Variants in RHD observed in about 807,000 individuals in gnomAD.
The protein encoded by RHD is blood group Rh(D) polypeptide.
In RHD, 16 loss-of-function variants were observed where a neutral mutation model predicts 45.5. That is an observed-to-expected ratio of 0.35 (90% CI 0.24 to 0.53). The LOEUF is 0.53. Ranked by LOEUF, RHD falls within the 20% of genes least tolerant of loss-of-function variation. The probability of loss-of-function intolerance (pLI) is 0.92; values close to 1 mark genes in which losing one functional copy is unlikely to be tolerated. For synonymous variants in RHD, 131 were observed against 217.5 expected (o/e 0.60, Z 3.50); for missense variants, 306 against 532.0 (o/e 0.58, Z 4.18).
intron 1 of RHD, among the ~76,000 whole-genome samples, chr1:25,273,671 G>T (rs1640694326): frequency 8.5e-6 from 1 of 116,984 alleles, no homozygotes; most frequent in African/African-American, 2.9e-5. Flanking sequence ...CTGTAAATAA[G>T]ACAGATGTCC....
In RHD at chr1:25,273,071, T is replaced by G. The variant is rs563290825; in HGVS notation, c.148+376T>G. ...GATTTAGGGGATACAAGTGCAGCTATCTTATGCAAGCAATTTCATGTTGTT... is the reference window on the plus strand; with the variant it reads ...GATTTAGGGGATACAAGTGCAGCTAGCTTATGCAAGCAATTTCATGTTGTT... On this transcript the variant is annotated intron_variant, in intron 1 of 9. Transcript: ENST00000328664. Among the ~76,000 whole-genome samples, 125 of 132,000 alleles carry G rather than the reference T, an allele frequency of 9.5e-4. 19 individuals are homozygous for G. Among genetic ancestry groups the G allele is most frequent in the East Asian group, 3.7e-3 (19 of 5,114 alleles). The allele number at this position is 132,000 out of a possible 152,430, so 86.6% of individuals were successfully genotyped here. A position where few individuals can be genotyped will look rare whatever the true frequency, so the allele number is the denominator to read the frequency against.
chr1:25,278,047 T>C (rs561545693), intron 1 of RHD, among the ~76,000 whole-genome samples: 2 of 130,564 alleles, frequency 1.5e-5, no homozygotes, highest in East Asian at 3.9e-4. Context: ...CCAGCTACCC[T>C]GGTGATTGTA....
At chr1:25,273,302 A>AT (rs750823240) in intron 1 of RHD, among the ~76,000 whole-genome samples, 4,807 of 97,918 alleles carry the variant, frequency 0.049, 454 homozygotes, top group African/African-American at 0.13. Flanking sequence ...TGCCTGGCTA[A>AT]TTTTTTTTTT....
In RHD at chr1:25,303,029, A is replaced by T. The variant is rs1643509570; in HGVS notation, c.802-293A>T. Among the ~76,000 whole-genome samples, 2 of 130,922 alleles carry T rather than the reference A, an allele frequency of 1.5e-5. 1 individual carries two copies. Among genetic ancestry groups the T allele is most frequent in the Non-Finnish European group, 3.6e-5 (2 of 55,370 alleles). The allele number at this position is 130,922 out of a possible 152,430, so 85.9% of individuals were successfully genotyped here. A position where few individuals can be genotyped will look rare whatever the true frequency, so the allele number is the denominator to read the frequency against. ...TCCCGCTGCCCAGGGACACACCACT[A>T]ATGAGTGTGATGGGTGCCTAGGATG... On this transcript the variant is annotated intron_variant, in intron 5 of 9. Transcript: ENST00000328664.
intron 2 of RHD, among the ~76,000 whole-genome samples, chr1:25,289,519 G>T (rs1393845851): frequency 1.5e-5 from 2 of 131,420 alleles, no homozygotes; most frequent in African/African-American, 5.2e-5. Context: ...TTTAAAAGAG[G>T]TGATGCTGTT....
intron 3 of RHD, among the ~76,000 whole-genome samples, chr1:25,296,332 C>T (rs144425311): frequency 0.011 from 1,348 of 123,784 alleles, 3 homozygotes; most frequent in African/African-American, 0.035. Flanking sequence ...CTGCAACCTC[C>T]GCCTCCTGGA....
At chr1:25,276,847 A>T (rs1449740464) in intron 1 of RHD, among the ~76,000 whole-genome samples, 1 of 132,894 alleles carries the variant, frequency 7.5e-6, no homozygotes, top group Non-Finnish European at 1.8e-5. Flanking sequence ...CAGGCAGATC[A>T]CGAGGTCTGG....
chr1:25,303,288 T>C lies in RHD; in HGVS notation c.802-34T>C, dbSNP rs758015520. ...AGCAAGATGGTGTTCTCTCTCTACC[T>C]TGCTTCCTTTACCCACACGCTATTT... On this transcript the variant is annotated intron_variant, in intron 5 of 9. Coordinates refer to ENST00000328664, the MANE Select transcript of RHD (RefSeq NM_016124.6). 9 of 1,295,578 alleles carry C rather than the reference T, an allele frequency of 6.9e-6. 1 individual carries two copies. The highest frequency in any genetic ancestry group is 9.9e-6 in the Non-Finnish European group (9 of 905,104). 80.3% of individuals were successfully genotyped at this position (1,295,578 alleles called of 1,614,324 possible). A position where few individuals can be genotyped will look rare whatever the true frequency, so the allele number is the denominator to read the frequency against.
At position 25,318,282 on chromosome 1, in the gene RHD, A is replaced by AC. The variant is rs1644513256; in HGVS notation, c.1153+1203_1153+1204insC. On this transcript the variant is annotated intron_variant, in intron 8 of 9. Transcript: ENST00000328664. ...GAGCCGAGACTCTGTCTAAAAAAAAAGAAAAAAAGAAAATACACATTCAGG... is the reference window on the plus strand; with the variant it reads ...GAGCCGAGACTCTGTCTAAAAAAAAACGAAAAAAAGAAAATACACATTCAGG... 1.5e-5 allele frequency: 2 copies of AC among 130,782 alleles called. 1 individual carries two copies. The highest frequency in any genetic ancestry group is 3.6e-5 in the Non-Finnish European group (2 of 55,124). The allele number at this position is 130,782 out of a possible 1,614,324, so 8.1% of individuals were successfully genotyped here.
At chr1:25,300,752 T>C (rs560075399) in intron 3 of RHD, among the ~76,000 whole-genome samples, 194 bp from the exon 4 acceptor site, 1 of 131,968 alleles carries the variant, frequency 7.6e-6, no homozygotes, top group South Asian at 2.3e-4. Context: ...AATGTTCCAG[T>C]GAGCCGAGAT....
Position 25,300,787 on chromosome 1 carries a change from C to T in RHD, c.487-159C>T, listed in dbSNP as rs1257167826. On this transcript the variant is annotated intron_variant, in intron 3 of 9. Coordinates refer to ENST00000328664, the MANE Select transcript of RHD (RefSeq NM_016124.6). ...TCGTGCCATTGCACTCCAGCCTGGG[C>T]AGAGCCTGCTGGGTTGGGCTGGGTA... 3.0e-5 allele frequency among the ~76,000 whole-genome samples: 4 copies of T among 132,256 alleles called. No individual in the cohort carries two copies. The East Asian group carries it at 7.8e-4, about 26-fold the overall frequency. The allele number at this position is 132,256 out of a possible 152,430, so 86.8% of individuals were successfully genotyped here.
chr1:25,310,253 T>C (rs914681168), intron 7 of RHD, among the ~76,000 whole-genome samples: 1 of 133,248 alleles, frequency 7.5e-6, no homozygotes, highest in Non-Finnish European at 1.8e-5. Flanking sequence ...GTTGATGGTT[T>C]TTGGAGGAAG....
At chr1:25,314,372 T>C (rs1026151472) in intron 7 of RHD, among the ~76,000 whole-genome samples, 1 of 133,550 alleles carries the variant, frequency 7.5e-6, no homozygotes, top group African/African-American at 2.6e-5. Context: ...TCTTTTCTTG[T>C]GAAATGTCTA....
chr1:25,312,920 TAAAAAAAAA>T lies in RHD; in HGVS notation c.1074-4053_1074-4045del, dbSNP rs58027687. The stretch of plus-strand genomic sequence containing the variant: ...GGATGATAGAGCAAAATCCCATCTC[TAAAAAAAAA>T]AAAAAAAAAAAAAAAAAAAAAAAAA... On this transcript the variant is annotated intron_variant, in intron 7 of 9. Coordinates refer to ENST00000328664, the MANE Select transcript of RHD (RefSeq NM_016124.6). Among the ~76,000 whole-genome samples the T allele has an allele frequency of 9.2e-3, 63 of 6,848 alleles. 3 individuals are homozygous for T. The South Asian group carries it at 0.11, about 12-fold the overall frequency. The allele number at this position is 6,848 out of a possible 152,430, so 4.5% of individuals were successfully genotyped here.
In RHD at chr1:25,321,458, C is replaced by G. The variant is rs1343679789; in HGVS notation, c.1154-431C>G. On this transcript the variant is annotated intron_variant, in intron 8 of 9. Transcript: ENST00000328664. ...GGTGGATCACCTGAGGTCGGGAGTT[C>G]GAGACCAGCCTGGCCAACATGGTGA... Among the ~76,000 whole-genome samples, 9 of 112,200 alleles carry G rather than the reference C, an allele frequency of 8.0e-5. 2 individuals are homozygous for G. Among genetic ancestry groups the G allele is most frequent in the Non-Finnish European group, 1.4e-4 (7 of 48,686 alleles). 73.6% of individuals were successfully genotyped at this position (112,200 alleles called of 152,430 possible).
At chr1:25,314,511 T>G (rs1430292377) in intron 7 of RHD, among the ~76,000 whole-genome samples, 1 of 132,612 alleles carries the variant, frequency 7.5e-6, no homozygotes, top group African/African-American at 2.6e-5. Flanking sequence ...TCTTTCTTTT[T>G]GAAACAGAGT....
chr1:25,286,569 G>A (rs1381488775), intron 2 of RHD, among the ~76,000 whole-genome samples: 2 of 134,390 alleles, frequency 1.5e-5, no homozygotes, highest in African/African-American at 2.6e-5. Context: ...GGGGGATCAT[G>A]AGGTCAGGAG....
rs567071043 is a variant in RHD at position 25,285,429 on chromosome 1, C to T, written c.335+670C>T. Among the ~76,000 whole-genome samples the T allele has an allele frequency of 3.7e-5, 5 of 135,196 alleles. No individual in the cohort carries two copies. The East Asian group carries it at 9.7e-4, about 26-fold the overall frequency. 88.7% of individuals were successfully genotyped at this position (135,196 alleles called of 152,430 possible). A position where few individuals can be genotyped will look rare whatever the true frequency, so the allele number is the denominator to read the frequency against. ...GATTACAGACATGAGCCACCGCGTC[C>T]AGCCTGAGAGACATTCTCTTGAAAA... is the stretch of plus-strand genomic sequence containing the variant. On this transcript the variant is annotated intron_variant, in intron 2 of 9. Coordinates refer to ENST00000328664, the MANE Select transcript of RHD (RefSeq NM_016124.6).
rs1237795667 is a variant in RHD at position 25,279,681 on chromosome 1, G to T, written c.149-4892G>T. ...CTGGAACGTGGGGTACTGTCTATCTGTGTGCCTGCTGTTACAACAATGGTG... is the reference window on the plus strand; with the variant it reads ...CTGGAACGTGGGGTACTGTCTATCTTTGTGCCTGCTGTTACAACAATGGTG... On this transcript the variant is annotated intron_variant, in intron 1 of 9. Coordinates refer to ENST00000328664, the MANE Select transcript of RHD (RefSeq NM_016124.6). Among the ~76,000 whole-genome samples the T allele has an allele frequency of 5.7e-5, 7 of 123,034 alleles. 1 individual carries two copies. In the East Asian group the frequency reaches 1.4e-3, roughly 24 times the overall value. 80.7% of individuals were successfully genotyped at this position (123,034 alleles called of 152,430 possible).
Sources: gnomAD v4.1 joint callset for allele counts (sites outside exome capture counted in the v4.1 genomes callset) on GRCh38, gnomAD v4.1.1 for gene constraint, MANE v1.5 for transcripts, NCBI Gene and HGNC (gene_info 2026-07-23, HGNC 2026-07-21) for gene names.